PADI3: variants seen among roughly 807,000 people sequenced by gnomAD.
PADI3 encodes protein-arginine deiminase type-3.
A neutral mutation model predicts 71.5 loss-of-function variants in PADI3; 53 were observed. That is an observed-to-expected ratio of 0.74 (90% confidence interval 0.59 to 0.93). PADI3 has a LOEUF of 0.93. Ranked by LOEUF, PADI3 falls within the 40% of genes least tolerant of loss-of-function variation. The pLI, the probability that PADI3 is intolerant of heterozygous loss-of-function variation, is 0.00. For missense variants in PADI3, 821 were observed against 868.0 expected, an observed-to-expected ratio of 0.95 and a Z score of 0.68; for synonymous variants, 361 against 347.5, an observed-to-expected ratio of 1.04 and a Z score of -0.43.
chr1:17,283,661 C>T lies in PADI3; in HGVS notation c.*582C>T, dbSNP rs59877223. 24,141 of 152,470 alleles carry T rather than the reference C, an allele frequency of 0.16. 2,121 individuals are homozygous for T. Among genetic ancestry groups the T allele is most frequent in the South Asian group, 0.3 (1,430 of 4,830 alleles). 9.4% of individuals were successfully genotyped at this position (152,470 alleles called of 1,614,324 possible). The stretch of plus-strand genomic sequence containing the variant: ...TCCTGCCCAGATGTTGACCCTCACC[C>T]AGCGTGAGCTGTCACATAGTAGGAG... On this transcript the variant is annotated 3_prime_UTR_variant, in exon 16 of 16. Coordinates refer to ENST00000375460, the MANE Select transcript of PADI3 (RefSeq NM_016233.2).
At chr1:17,269,165 G>T (rs78407257) in intron 6 of PADI3, among the ~76,000 whole-genome samples, 1 of 152,062 alleles carries the variant, frequency 6.6e-6, no homozygotes, top group Admixed American at 6.6e-5. Context: ...GATTATAGGC[G>T]TGAGACGCCG....
chr1:17,280,700 G>A lies in PADI3; in HGVS notation c.1665G>A (p.Leu555=). The A allele has an allele frequency of 6.2e-7, 1 of 1,614,194 alleles. No individual in the cohort carries two copies. Among genetic ancestry groups the A allele is most frequent in the South Asian group, 1.1e-5 (1 of 91,086 alleles). Reference sequence around the variant, plus strand: ...GCATCGACTGGAACCGTGAGGTGCTGAAGCGGGAGCTGGGCCTGGCAGAGT... The same window carrying A: ...GCATCGACTGGAACCGTGAGGTGCTAAAGCGGGAGCTGGGCCTGGCAGAGT... ...QSCIDWNREV[L]KRELGLAECD... Residue 555 remains leucine (L), a synonymous_variant, in exon 15 of 16, where the codon CTG becomes CTA. Transcript: ENST00000375460.
chr1:17,267,120 G>GCA (rs2073180864), intron 5 of PADI3, among the ~76,000 whole-genome samples: 1 of 152,172 alleles, frequency 6.6e-6, no homozygotes, highest in South Asian at 2.1e-4. Flanking sequence ...CATTATTTGA[G>GCA]CACCTACTGT....
At chr1:17,257,031 C>CAAAAAAA (rs967292996) in intron 1 of PADI3, among the ~76,000 whole-genome samples, 1 of 37,606 alleles carries the variant, frequency 2.7e-5, no homozygotes, top group Non-Finnish European at 4.9e-5. Context: ...GACTCTGTCT[C>CAAAAAAA]AAAAAAAAAA....
intron 9 of PADI3, among the ~76,000 whole-genome samples, chr1:17,272,485 T>C (rs2073269048): frequency 6.6e-6 from 1 of 152,158 alleles, no homozygotes; most frequent in South Asian, 2.1e-4. Context: ...TTTTTATTTA[T>C]TTTTTTAAAT....
chr1:17,276,816 C>T lies in PADI3; in HGVS notation c.1495C>T (p.Leu499Phe). 9 of 1,613,800 alleles carry T rather than the reference C, an allele frequency of 5.6e-6. No individual in the cohort carries two copies. Among genetic ancestry groups the T allele is most frequent in the Non-Finnish European group, 7.6e-6 (9 of 1,179,884 alleles). The change falls in exon 13 of 16, where the codon CTC becomes TTC. Residue 499 changes from leucine (L) to phenylalanine (F), a missense_variant. Physicochemically the swap from Leu to Phe is conservative, Grantham distance 22. Coordinates refer to ENST00000375460, the MANE Select transcript of PADI3 (RefSeq NM_016233.2). ...LLASPGACFKLFQEKQKCGHG... is the reference protein window; with the variant it reads ...LLASPGACFKFFQEKQKCGHG... ...GGCCAGCCCTGGGGCCTGCTTCAAG[C>T]TCTTCCAGGAAAAGCAGAAGTGTGG... is the stretch of plus-strand genomic sequence containing the variant.
At chr1:17,258,373 G>A (rs554617355) in intron 1 of PADI3, among the ~76,000 whole-genome samples, 5 of 152,354 alleles carry the variant, frequency 3.3e-5, no homozygotes, top group East Asian at 3.9e-4. Context: ...GGATCTGCCC[G>A]CCAGGCAGTA....
chr1:17,270,863 T>C lies in PADI3; in HGVS notation c.832-16T>C. On this transcript the variant is annotated splice_polypyrimidine_tract_variant and intron_variant, in intron 7 of 15. Transcript: ENST00000375460. Reference sequence around the variant, plus strand: ...TCCAAGTCCAGTGCTCTTTCTCCCCTGGTCTGCCCCTGCAGGATTTCTCGG... The same window carrying C: ...TCCAAGTCCAGTGCTCTTTCTCCCCCGGTCTGCCCCTGCAGGATTTCTCGG... The C allele has an allele frequency of 6.2e-7, 1 of 1,600,228 alleles. No homozygotes were observed. Among genetic ancestry groups the C allele is most frequent in the Non-Finnish European group, 8.6e-7 (1 of 1,167,412 alleles).
At chr1:17,267,025 C>G (rs1170747107) in intron 5 of PADI3, among the ~76,000 whole-genome samples, 189 bp downstream of exon 5, 2 of 152,174 alleles carry the variant, frequency 1.3e-5, no homozygotes, top group Admixed American at 6.5e-5. Context: ...TCTCTAGGGC[C>G]AGTGAGCACT....
At chr1:17,258,054 A>C (rs1158822988) in intron 1 of PADI3, among the ~76,000 whole-genome samples, 1 of 152,210 alleles carries the variant, frequency 6.6e-6, no homozygotes, top group African/African-American at 2.4e-5. Context: ...ACCTTGGGCA[A>C]GTTACTTAAC....
rs748569425 is a variant in PADI3, at chr1:17,267,982, C to A, written c.652+20C>A. The A allele has an allele frequency of 6.2e-7, 1 of 1,613,586 alleles. No individual in the cohort carries two copies. Among genetic ancestry groups the A allele is most frequent in the Non-Finnish European group, 8.5e-7 (1 of 1,179,954 alleles). On this transcript the variant is annotated intron_variant, in intron 6 of 15. Coordinates refer to ENST00000375460, the MANE Select transcript of PADI3 (RefSeq NM_016233.2). The stretch of plus-strand genomic sequence containing the variant: ...TCTGCGGTGAGTTTGTGCCACTGCC[C>A]CTTGCCATCTGTGCCCTGTTGCCAG...
At chr1:17,254,850 G>A (rs927270942) in intron 1 of PADI3, among the ~76,000 whole-genome samples, 9 of 151,962 alleles carry the variant, frequency 5.9e-5, no homozygotes, top group South Asian at 2.1e-4. Context: ...CCTAGTAGCC[G>A]GGATTACAGG....
intron 7 of PADI3, 122 bp from the exon 8 acceptor site, chr1:17,270,757 T>C: frequency 1.4e-6 from 1 of 738,336 alleles, no homozygotes; most frequent in Non-Finnish European, 2.3e-6. Flanking sequence ...ACCCCTCTGG[T>C]TCATTTCCAT....
intron 13 of PADI3, among the ~76,000 whole-genome samples, chr1:17,279,753 C>T (rs534083699): frequency 1.1e-4 from 17 of 152,290 alleles, no homozygotes; most frequent in Admixed American, 2.6e-4. Context: ...TCATGGTAAG[C>T]GCTTACTAAG....
rs760568916 is a variant in PADI3, at chr1:17,280,657, T to C, written c.1636-14T>C. 2 of 1,613,880 alleles carry C rather than the reference T, an allele frequency of 1.2e-6. No individual in the cohort carries two copies. The highest frequency in any genetic ancestry group is 4.5e-5 in the East Asian group (2 of 44,878). On this transcript the variant is annotated splice_polypyrimidine_tract_variant and intron_variant, in intron 14 of 15. Coordinates refer to ENST00000375460, the MANE Select transcript of PADI3 (RefSeq NM_016233.2). ...GGCAAGGTGTCCCCAACTCTGGCCC[T>C]CCCCTGCCCCCAGAGCTGCATCGAC...
At chr1:17,259,399 G>A (rs911781153) in intron 1 of PADI3, among the ~76,000 whole-genome samples, 179 bp from the exon 2 acceptor site, 11 of 152,188 alleles carry the variant, frequency 7.2e-5, no homozygotes, top group Admixed American at 3.9e-4. Flanking sequence ...ACGCCCGGCC[G>A]ACTGTGTATA....
intron 1 of PADI3, among the ~76,000 whole-genome samples, chr1:17,252,678 A>G (rs1304168761): frequency 6.6e-6 from 1 of 152,160 alleles, no homozygotes; most frequent in Admixed American, 6.5e-5. Context: ...TGTTGGGATT[A>G]CAGGTGAGAG....
At position 17,283,915 on chromosome 1, in the gene PADI3, G is replaced by A. The variant is rs1396236636; in HGVS notation, c.*836G>A. ...TCCACCTTGTGATGGTTAATATTAGGTGTCTGGAGAAGGTTGCTTCATTGG... is the reference window on the plus strand; with the variant it reads ...TCCACCTTGTGATGGTTAATATTAGATGTCTGGAGAAGGTTGCTTCATTGG... On this transcript the variant is annotated 3_prime_UTR_variant, in exon 16 of 16. Coordinates refer to ENST00000375460, the MANE Select transcript of PADI3 (RefSeq NM_016233.2). The A allele has an allele frequency of 6.6e-6, 1 of 152,284 alleles. No homozygotes were observed. Among genetic ancestry groups the A allele is most frequent in the African/African-American group, 2.4e-5 (1 of 41,454 alleles). 9.4% of individuals were successfully genotyped at this position (152,284 alleles called of 1,614,324 possible).
intron 11 of PADI3, among the ~76,000 whole-genome samples, chr1:17,275,195 G>A (rs998209214): frequency 2.0e-5 from 3 of 151,910 alleles, no homozygotes; most frequent in Admixed American, 6.6e-5. Context: ...CAGCACTTTG[G>A]GAGGCCAAGG....
Sources: gnomAD v4.1 joint callset for allele counts (sites outside exome capture counted in the v4.1 genomes callset) on GRCh38, gnomAD v4.1.1 for gene constraint, MANE v1.5 for transcripts, NCBI Gene and HGNC (gene_info 2026-07-23, HGNC 2026-07-21) for gene names.